CEP350: variants seen among roughly 807,000 people sequenced by gnomAD.
CEP350 encodes centrosomal protein 350.
CEP350 carries 126 observed loss-of-function variants against 331.8 expected under a neutral mutation model. The observed-to-expected ratio is 0.38, with a 90% CI of 0.33 to 0.44. The LOEUF (loss-of-function observed/expected upper bound fraction) is 0.44, where lower values mean the gene tolerates loss of function less well. Among genes scored for constraint, CEP350 ranks in the 20% least tolerant of loss-of-function variants. The probability of loss-of-function intolerance (pLI) is 1.00; values close to 1 mark genes in which losing one functional copy is unlikely to be tolerated. For missense variants in CEP350, 3,406 were observed against 3,634.6 expected (o/e 0.94, Z 1.62); for synonymous variants, 1,200 against 1,259.5 (o/e 0.95, Z 1.00).
intron 1 of CEP350, 62 bp from the exon 2 acceptor site, chr1:179,986,107 A>G (rs968420817): frequency 9.0e-6 from 12 of 1,332,798 alleles, no homozygotes; most frequent in Non-Finnish European, 1.1e-5. Context: ...TTAATGATTT[A>G]TTTTTCTAAG....
intron 1 of CEP350, among the ~76,000 whole-genome samples, chr1:179,985,442 A>G (rs1009993333): frequency 6.6e-6 from 1 of 152,228 alleles, no homozygotes; most frequent in African/African-American, 2.4e-5. Flanking sequence ...TACTATGAAT[A>G]ATGCTGCTTT....
At chr1:179,982,475 C>T (rs1652348330) in intron 1 of CEP350, among the ~76,000 whole-genome samples, 1 of 152,010 alleles carries the variant, frequency 6.6e-6, no homozygotes, top group Non-Finnish European at 1.5e-5. Context: ...AAGATGATTG[C>T]CCATTAATAG....
At chr1:180,110,883 C>T in intron 37 of CEP350, 114 bp from the exon 38 acceptor site, 2 of 894,960 alleles carry the variant, frequency 2.2e-6, no homozygotes, top group Non-Finnish European at 3.3e-6. Context: ...TCTTTTTTCT[C>T]TGGTTTATTT....
At chr1:180,082,274 C>G (rs1659618867) in intron 30 of CEP350, among the ~76,000 whole-genome samples, 1 of 152,154 alleles carries the variant, frequency 6.6e-6, no homozygotes, top group Admixed American at 6.5e-5. Flanking sequence ...ACTACAGATT[C>G]ACTACCTATT....
In CEP350 at chr1:179,997,027, A is replaced by T; in HGVS notation, c.870A>T (p.Arg290Ser). Residue 290 changes from arginine to serine, a missense_variant, in exon 6 of 38, where the codon AGA (arginine) becomes AGT (serine). Arg to Ser is a moderately radical substitution (Grantham distance 110). This residue lies in a region of CEP350 where 1,857 missense variants were observed against 1,909.2 expected (regional missense o/e 0.97). Coordinates refer to ENST00000367607, the MANE Select transcript of CEP350 (RefSeq NM_014810.5). ...VKLEKLKERIRKQWEHSEETN... is the reference protein window; with the variant it reads ...VKLEKLKERISKQWEHSEETN... The stretch of plus-strand genomic sequence containing the variant: ...TGGAAAAACTTAAGGAACGGATTAG[A>T]AAACAGTGGGAACACTCAGAAGAAA... 6.2e-7 allele frequency: 1 copy of T among 1,614,072 alleles called. No individual in the cohort carries two copies. The highest frequency in any genetic ancestry group is 8.5e-7 in the Non-Finnish European group (1 of 1,179,910).
chr1:179,959,674 A>T lies in CEP350; in HGVS notation c.-14+4532A>T, dbSNP rs540081819. Among the ~76,000 whole-genome samples, 9 of 152,096 alleles carry T rather than the reference A, an allele frequency of 5.9e-5. No homozygotes were observed. In the East Asian group the frequency reaches 1.7e-3, roughly 29 times the overall value. On this transcript the variant is annotated intron_variant, in intron 1 of 37. Coordinates refer to ENST00000367607, the MANE Select transcript of CEP350 (RefSeq NM_014810.5). ...GAAGCTGAGGCAGGAGAATTGCTTG[A>T]ACCTGAGTGGCAGAGGTTGCAGTGA...
At position 179,986,198 on chromosome 1, in the gene CEP350, C is replaced by CA; in HGVS notation, c.21dup (p.Glu8ArgfsTer38). The CA allele has an allele frequency of 6.4e-7, 1 of 1,551,474 alleles. No individual in the cohort carries two copies. ...ATTGGCAGGATGAGGAGCAGCAAAT[C>CA]AAAAGAGGTGCCTTTACCAAATCCA... On this transcript the variant is annotated frameshift_variant, in exon 2 of 38. Coordinates refer to ENST00000367607, the MANE Select transcript of CEP350 (RefSeq NM_014810.5). LOFTEE classifies it high-confidence loss of function.
intron 1 of CEP350, among the ~76,000 whole-genome samples, chr1:179,983,373 T>C (rs1652425667): frequency 6.6e-6 from 1 of 152,066 alleles, no homozygotes; most frequent in Non-Finnish European, 1.5e-5. Context: ...TAGCTGGGCT[T>C]ACAGATGTGC....
intron 7 of CEP350, 42 bp downstream of exon 7, chr1:180,003,329 C>A: frequency 8.3e-7 from 1 of 1,211,248 alleles, no homozygotes; most frequent in Non-Finnish European, 1.2e-6. Context: ...TTTTGTCATA[C>A]ATGCTATCTA....
At chr1:180,104,043 T>TATTTTAAAATATATACAAAATAC (rs1661005177) in intron 37 of CEP350, among the ~76,000 whole-genome samples, 1 of 138,780 alleles carries the variant, frequency 7.2e-6, no homozygotes, top group African/African-American at 2.8e-5. Flanking sequence ...ATACAAAATA[T>TATTTTAAAATATATACAAAATAC]ATACAAATAT....
chr1:180,111,309 TGTG>T lies in CEP350; in HGVS notation c.*151_*153del. 2.2e-6 allele frequency: 2 copies of T among 906,488 alleles called. No individual in the cohort carries two copies. The highest frequency in any genetic ancestry group is 2.9e-5 in the Admixed American group (1 of 34,320). 56.2% of individuals were successfully genotyped at this position (906,488 alleles called of 1,614,324 possible). Reference sequence around the variant, plus strand: ...TACCAGTATGGAGTTCATAGGACAATGTGGTACACCTGGTATTACAGCCTTTGC... The same window carrying T: ...TACCAGTATGGAGTTCATAGGACAATGTACACCTGGTATTACAGCCTTTGC... On this transcript the variant is annotated 3_prime_UTR_variant, in exon 38 of 38. Coordinates refer to ENST00000367607, the MANE Select transcript of CEP350 (RefSeq NM_014810.5).
intron 32 of CEP350, among the ~76,000 whole-genome samples, chr1:180,089,607 T>C (rs2149116761): frequency 6.6e-6 from 1 of 151,620 alleles, no homozygotes; most frequent in Non-Finnish European, 1.5e-5. Flanking sequence ...AAAGTAAACT[T>C]GATAAGTTAA....
At chr1:180,017,806 C>T (rs1177168859) in intron 11 of CEP350, among the ~76,000 whole-genome samples, 1 of 152,160 alleles carries the variant, frequency 6.6e-6, no homozygotes, top group Non-Finnish European at 1.5e-5. Context: ...TGGAAAACTC[C>T]AGGTTTCATA....
At chr1:179,988,298 A>C (rs963987005) in intron 3 of CEP350, among the ~76,000 whole-genome samples, 1 of 136,674 alleles carries the variant, frequency 7.3e-6, no homozygotes, top group African/African-American at 2.9e-5. Flanking sequence ...TCCTGTCTCA[A>C]AAAAAAAAAA....
Position 179,954,868 on chromosome 1 carries a change from G to A in CEP350, c.-288G>A, listed in dbSNP as rs1650047783. On this transcript the variant is annotated 5_prime_UTR_variant, in exon 1 of 38. Transcript: ENST00000367607. ...CTGACGAAGTGACTCCCGGGCCGGG[G>A]AGCGGGGCCAGACCTGCGCCAGAGA... The A allele has an allele frequency of 2.2e-6, 1 of 447,784 alleles. No individual in the cohort carries two copies. The highest frequency in any genetic ancestry group is 4.4e-5 in the Admixed American group (1 of 22,798). 27.7% of individuals were successfully genotyped at this position (447,784 alleles called of 1,614,324 possible).
intron 15 of CEP350, among the ~76,000 whole-genome samples, chr1:180,033,601 A>G (rs1368210966): frequency 1.3e-5 from 2 of 152,164 alleles, no homozygotes; most frequent in Non-Finnish European, 1.5e-5. Flanking sequence ...GTTCAGTGCT[A>G]GTTTAATCAA....
At chr1:179,975,793 A>C (rs2501620) in intron 1 of CEP350, among the ~76,000 whole-genome samples, 86,077 of 152,004 alleles carry the variant, frequency 0.57, 26,271 homozygotes, top group East Asian at 0.71. Flanking sequence ...TAATAGACTG[A>C]AAACTTGCAT....
chr1:180,053,258 C>G, intron 23 of CEP350, 92 bp downstream of exon 23: 1 of 578,664 alleles, frequency 1.7e-6, no homozygotes, highest in Non-Finnish European at 2.8e-6. Context: ...CATTTGTCAG[C>G]TACTAGAATG....
intron 5 of CEP350, 86 bp from the exon 6 acceptor site, chr1:179,996,467 G>C (rs1653464493): frequency 2.1e-6 from 2 of 952,762 alleles, no homozygotes; most frequent in Non-Finnish European, 3.1e-6. Context: ...TTTGTGGTGA[G>C]AACACTTAAA....
Sources: allele counts gnomAD v4.1 joint callset (sites outside exome capture counted in the v4.1 genomes callset), GRCh38; gene constraint gnomAD v4.1.1; regional missense constraint gnomAD v4.1.1; transcripts MANE v1.5; gene names NCBI Gene and HGNC (gene_info 2026-07-23, HGNC 2026-07-21).